The following ITIH2 variants were observed in gnomAD, a reference collection of about 807,000 sequenced individuals.
The protein encoded by ITIH2 is inter-alpha-trypsin inhibitor heavy chain H2.
Under a neutral mutation model 104.4 loss-of-function variants are expected in ITIH2, and 103 were observed. The observed-to-expected ratio is 0.99, with a 90% confidence interval of 0.84 to 1.16. The LOEUF is 1.16. Ranked by LOEUF, ITIH2 falls within the 50% of genes most tolerant of loss-of-function variation. The pLI, the probability that ITIH2 is intolerant of heterozygous loss-of-function variation, is 0.00. For synonymous variants in ITIH2, 436 were observed against 435.4 expected, an observed-to-expected ratio of 1.00 and a Z score of -0.02; for missense variants, 1,108 against 1,162.4, an observed-to-expected ratio of 0.95 and a Z score of 0.68.
chr10:7,709,204 T>C lies in ITIH2; in HGVS notation c.362+13T>C, dbSNP rs374226580. ...CCAACTTCTCCATGTGAGTAACTTC[T>C]GTGTAGAGCCAGAAATTGTAGGTGC... On this transcript the variant is annotated intron_variant, in intron 4 of 20. Transcript: ENST00000358415. 5 of 1,612,590 alleles carry C rather than the reference T, an allele frequency of 3.1e-6. No homozygotes were observed. Among genetic ancestry groups the C allele is most frequent in the African/African-American group, 2.7e-5 (2 of 74,872 alleles).
At chr10:7,712,939 C>A (rs569527507) in intron 4 of ITIH2, among the ~76,000 whole-genome samples, 19 of 150,330 alleles carry the variant, frequency 1.3e-4, no homozygotes, top group African/African-American at 4.7e-4. Context: ...GCCAACATGG[C>A]GAAACCCAAT....
At chr10:7,745,816 G>A (rs539712979) in intron 19 of ITIH2, among the ~76,000 whole-genome samples, 31 of 151,266 alleles carry the variant, frequency 2.0e-4, no homozygotes, top group South Asian at 1.0e-3. Context: ...GCGCAGTGGC[G>A]CAATCTCGGC....
intron 5 of ITIH2, among the ~76,000 whole-genome samples, chr10:7,713,837 TGGGACTTGGG>T (rs1834820796): frequency 1.3e-5 from 2 of 151,974 alleles, no homozygotes; most frequent in Non-Finnish European, 2.9e-5. Flanking sequence ...CCCAAGTAGC[TGGGACTTGGG>T]GTGCACCACC....
chr10:7,726,805 C>T (rs1445141876), intron 9 of ITIH2, 145 bp from the exon 10 acceptor site: 2 of 603,662 alleles, frequency 3.3e-6, no homozygotes, highest in Admixed American at 3.2e-5. Context: ...TCTGCATTGA[C>T]TGAGGTGGGC....
At chr10:7,717,558 G>A in intron 5 of ITIH2, 68 bp from the exon 6 acceptor site, 7 of 1,471,448 alleles carry the variant, frequency 4.8e-6, no homozygotes, top group Non-Finnish European at 5.7e-6. Context: ...CATGCCCTCT[G>A]CCTAGATTCT....
At chr10:7,715,629 G>A (rs957783915) in intron 5 of ITIH2, among the ~76,000 whole-genome samples, 3 of 152,152 alleles carry the variant, frequency 2.0e-5, no homozygotes, top group African/African-American at 2.4e-5. Flanking sequence ...AGCTTTGCAC[G>A]AGGCCATGCT....
At chr10:7,705,050 C>T in intron 1 of ITIH2, 58 bp from the exon 2 acceptor site, 1 of 1,133,224 alleles carries the variant, frequency 8.8e-7, no homozygotes, top group South Asian at 1.3e-5. Flanking sequence ...TGCACATGTA[C>T]CCCAGAACTT....
In ITIH2 at chr10:7,727,005, C is replaced by G. The variant is rs146728457; in HGVS notation, c.1040C>G (p.Ser347Cys). The G allele has an allele frequency of 4.5e-5, 72 of 1,613,988 alleles. No homozygotes were observed. The African/African-American group carries it at 7.6e-4, about 17-fold the overall frequency. ...GACCTCAGAGCAGAAGACCATTTCT[C>G]TGTGATTGATTTCAACCAGAACATT... ...LDDLRAEDHF[S>C]VIDFNQNIRT... The change falls in exon 10 of 21, where the codon TCT becomes TGT. Residue 347 changes from serine to cysteine, a missense_variant. Physicochemically the swap from Ser to Cys is moderately radical, Grantham distance 112 (BLOSUM62 -1). Transcript: ENST00000358415.
chr10:7,738,242 C>A (rs1390684177), intron 15 of ITIH2, among the ~76,000 whole-genome samples: 3 of 110,732 alleles, frequency 2.7e-5, no homozygotes, highest in East Asian at 2.5e-4. Flanking sequence ...ATATTATATT[C>A]TATATAATAT....
At chr10:7,713,716 G>A (rs1241705262) in intron 5 of ITIH2, among the ~76,000 whole-genome samples, 1 of 152,066 alleles carries the variant, frequency 6.6e-6, no homozygotes, top group Non-Finnish European at 1.5e-5. Flanking sequence ...AGTTGTTGTT[G>A]TTGTTGTTTG....
At chr10:7,707,381 T>G in intron 3 of ITIH2, 148 bp downstream of exon 3, 2 of 631,408 alleles carry the variant, frequency 3.2e-6, no homozygotes, top group Non-Finnish European at 5.6e-6. Context: ...CAAGTGTTTC[T>G]AAAATTCAGC....
At chr10:7,719,430 C>T (rs11255310) in intron 6 of ITIH2, among the ~76,000 whole-genome samples, 1 of 152,194 alleles carries the variant, frequency 6.6e-6, no homozygotes, top group African/African-American at 2.4e-5. Flanking sequence ...AACCCACATT[C>T]TCTTCCTCAA....
At chr10:7,716,490 C>A (rs1012256888) in intron 5 of ITIH2, among the ~76,000 whole-genome samples, 10 of 152,038 alleles carry the variant, frequency 6.6e-5, no homozygotes, top group African/African-American at 2.4e-4. Flanking sequence ...AATCCCAGCA[C>A]TTTCAGAAGT....
chr10:7,731,031 A>G (rs10905223), intron 12 of ITIH2, among the ~76,000 whole-genome samples: 51,071 of 151,910 alleles, frequency 0.34, 9,436 homozygotes, highest in African/African-American at 0.5. Context: ...CGATTCTCGC[A>G]CCTCAGTCTC....
At chr10:7,743,123 C>A in intron 16 of ITIH2, 23 bp from the exon 17 acceptor site, 1 of 1,080,214 alleles carries the variant, frequency 9.3e-7, no homozygotes, top group Non-Finnish European at 1.4e-6. Context: ...ATTTTGTTTA[C>A]GTTTTCTTTG....
chr10:7,715,229 T>G (rs1834836438), intron 5 of ITIH2, among the ~76,000 whole-genome samples: 1 of 152,154 alleles, frequency 6.6e-6, no homozygotes. Context: ...GAGACCATCC[T>G]GGCCAACATG....
At chr10:7,742,984 A>G (rs559863476) in intron 16 of ITIH2, among the ~76,000 whole-genome samples, 162 bp from the exon 17 acceptor site, 1 of 152,348 alleles carries the variant, frequency 6.6e-6, no homozygotes, top group South Asian at 2.1e-4. Context: ...ACAATGGAGT[A>G]TGAACCACTG....
chr10:7,727,140 C>A, intron 10 of ITIH2, 22 bp downstream of exon 10: 1 of 1,590,210 alleles, frequency 6.3e-7, no homozygotes, highest in Non-Finnish European at 8.6e-7. Context: ...GGGCTAAATC[C>A]CAAGGAGACA....
intron 8 of ITIH2, among the ~76,000 whole-genome samples, chr10:7,722,231 C>T (rs1201213926): frequency 6.6e-6 from 1 of 152,162 alleles, no homozygotes; most frequent in Admixed American, 6.5e-5. Flanking sequence ...ATGTCCCAGA[C>T]GTGTGTCTTC....
Sources: gnomAD v4.1 joint callset for allele counts (sites outside exome capture counted in the v4.1 genomes callset) on GRCh38, gnomAD v4.1.1 for gene constraint, MANE v1.5 for transcripts, NCBI Gene and HGNC (gene_info 2026-07-23, HGNC 2026-07-21) for gene names.